MDGA2: variants seen among roughly 807,000 people sequenced by gnomAD.
MDGA2 encodes MAM domain-containing glycosylphosphatidylinositol anchor protein 2.
MDGA2 carries 40 observed loss-of-function variants against 117.8 expected under a neutral mutation model. That is an observed-to-expected ratio of 0.34 (90% CI 0.26 to 0.44). The LOEUF (loss-of-function observed/expected upper bound fraction) is 0.44. MDGA2 is among the 20% of genes least tolerant of loss of function. MDGA2 has a pLI of 1.00. For synonymous variants in MDGA2, 452 were observed against 439.0 expected, an observed-to-expected ratio of 1.03 and a Z score of -0.37; for missense variants, 1,123 against 1,250.6, an observed-to-expected ratio of 0.90 and a Z score of 1.54.
chr14:47,305,028 C>T (rs895726793), intron 1 of MDGA2, among the ~76,000 whole-genome samples: 4 of 152,130 alleles, frequency 2.6e-5, no homozygotes, highest in African/African-American at 9.7e-5. Context: ...CATCTCAGTG[C>T]CAGACTGAGC....
intron 3 of MDGA2, among the ~76,000 whole-genome samples, chr14:47,157,593 A>ATGTG (rs1451729821): frequency 8.8e-5 from 11 of 125,182 alleles, no homozygotes; most frequent in African/African-American, 2.7e-4. Flanking sequence ...CTATGTACAT[A>ATGTG]TATGTGTGTG....
intron 1 of MDGA2, among the ~76,000 whole-genome samples, chr14:47,357,916 G>T (rs1019082362): frequency 6.6e-6 from 1 of 152,154 alleles, no homozygotes; most frequent in Non-Finnish European, 1.5e-5. Context: ...ACAGACCAAT[G>T]ACCTCCAGCT....
intron 8 of MDGA2, among the ~76,000 whole-genome samples, chr14:46,999,680 C>A (rs181812900): frequency 5.9e-5 from 9 of 152,116 alleles, no homozygotes; most frequent in Admixed American, 5.3e-4. Context: ...CAAGGGCAGC[C>A]ATATCTTCCC....
chr14:46,852,482 G>T (rs377652794), intron 15 of MDGA2, among the ~76,000 whole-genome samples: 15 of 151,888 alleles, frequency 9.9e-5, no homozygotes, highest in African/African-American at 3.1e-4. Flanking sequence ...GAATACCAGA[G>T]AAAAACAGTG....
At chr14:47,257,724 C>T (rs1352907051) in intron 2 of MDGA2, among the ~76,000 whole-genome samples, 3 of 152,092 alleles carry the variant, frequency 2.0e-5, no homozygotes, top group Non-Finnish European at 2.9e-5. Context: ...ACCCAGAAAG[C>T]GTCACTTGGC....
chr14:47,292,220 T>C (rs1888915499), intron 2 of MDGA2, among the ~76,000 whole-genome samples: 1 of 152,196 alleles, frequency 6.6e-6, no homozygotes, highest in Non-Finnish European at 1.5e-5. Flanking sequence ...CGGTAGCATA[T>C]AGCCTCTGAA....
intron 5 of MDGA2, among the ~76,000 whole-genome samples, chr14:47,124,279 T>C (rs905054458): frequency 3.1e-4 from 47 of 152,250 alleles, no homozygotes; most frequent in Middle Eastern, 3.4e-3. Flanking sequence ...TGCTGTAATC[T>C]TTTGACGATG....
chr14:47,440,719 T>C (rs1417859259), intron 1 of MDGA2, among the ~76,000 whole-genome samples: 1 of 151,942 alleles, frequency 6.6e-6, no homozygotes, highest in African/African-American at 2.4e-5. Flanking sequence ...GGAAAGGGAA[T>C]TGTCAAAATA....
chr14:47,636,081 G>A (rs548679209), intron 1 of MDGA2, among the ~76,000 whole-genome samples: 1 of 152,068 alleles, frequency 6.6e-6, no homozygotes, highest in Non-Finnish European at 1.5e-5. Flanking sequence ...GCTACTTAGG[G>A]AATAAGGCTT....
intron 5 of MDGA2, among the ~76,000 whole-genome samples, chr14:47,104,460 A>G (rs1880525784): frequency 9.7e-6 from 1 of 103,554 alleles, no homozygotes; most frequent in African/African-American, 3.9e-5. Context: ...ACTCCTGCCC[A>G]CTGAGCACCT....
rs58606602 is a variant in MDGA2, at chr14:46,844,871, T to TTTATTATTATTATTATTATTA, written c.2989+874_2989+894dup. Among the ~76,000 whole-genome samples the TTTATTATTATTATTATTATTA allele has an allele frequency of 1.4e-4, 21 of 151,422 alleles. 1 individual carries two copies. The highest frequency in any genetic ancestry group is 1.4e-3 in the East Asian group (7 of 5,122). ...TGAGTTTTCACTAGATCTGATGATTTTTATTATTATTATTATTATTATGTT... is the reference window on the plus strand; with the variant it reads ...TGAGTTTTCACTAGATCTGATGATTTTTATTATTATTATTATTATTATTATTATTATTATTATTATTATGTT... On this transcript the variant is annotated intron_variant, in intron 16 of 16. Coordinates refer to ENST00000399232, the MANE Select transcript of MDGA2 (RefSeq NM_001113498.3).
At chr14:47,427,569 T>C (rs1221405400) in intron 1 of MDGA2, among the ~76,000 whole-genome samples, 1 of 152,182 alleles carries the variant, frequency 6.6e-6, no homozygotes, top group Non-Finnish European at 1.5e-5. Flanking sequence ...GTAGCCCTAC[T>C]ATCTTTTTGC....
chr14:46,980,646 T>C (rs761870787), intron 8 of MDGA2, among the ~76,000 whole-genome samples: 16 of 152,256 alleles, frequency 1.1e-4, no homozygotes, highest in Middle Eastern at 3.4e-3. Flanking sequence ...TCACTGTTGT[T>C]TTATCTTAAG....
At chr14:47,505,050 G>T (rs1413533527) in intron 1 of MDGA2, among the ~76,000 whole-genome samples, 1 of 152,128 alleles carries the variant, frequency 6.6e-6, no homozygotes, top group East Asian at 1.9e-4. Flanking sequence ...ACAATAACAT[G>T]GATGAACCTG....
intron 3 of MDGA2, among the ~76,000 whole-genome samples, chr14:47,171,800 C>T (rs931847947): frequency 4.6e-5 from 7 of 152,124 alleles, no homozygotes; most frequent in Admixed American, 2.6e-4. Context: ...GGGCTCAGGA[C>T]AGTGGGTGCA....
intron 1 of MDGA2, among the ~76,000 whole-genome samples, chr14:47,309,929 G>T (rs1190328665): frequency 6.6e-6 from 1 of 151,902 alleles, no homozygotes; most frequent in African/African-American, 2.4e-5. Context: ...AATTCTAATG[G>T]TAAGACAATG....
chr14:46,915,409 A>G (rs971717629), intron 10 of MDGA2, among the ~76,000 whole-genome samples: 7 of 152,188 alleles, frequency 4.6e-5, no homozygotes, highest in Admixed American at 1.3e-4. Flanking sequence ...CTATGCATGT[A>G]AGAAAATTTC....
At chr14:47,576,889 C>A (rs543324165) in intron 1 of MDGA2, among the ~76,000 whole-genome samples, 1 of 152,158 alleles carries the variant, frequency 6.6e-6, no homozygotes, top group African/African-American at 2.4e-5. Context: ...TCTGGGACCA[C>A]GGGCATGTGC....
At chr14:47,396,702 G>T (rs1177420909) in intron 1 of MDGA2, among the ~76,000 whole-genome samples, 2 of 152,164 alleles carry the variant, frequency 1.3e-5, no homozygotes, top group African/African-American at 4.8e-5. Context: ...CTCAAAAGAA[G>T]ACATTTATGT....
Sources: allele counts gnomAD v4.1 joint callset (sites outside exome capture counted in the v4.1 genomes callset), GRCh38; gene constraint gnomAD v4.1.1; transcripts MANE v1.5; gene names NCBI Gene and HGNC (gene_info 2026-07-23, HGNC 2026-07-21).